SLC25A48: variants seen among roughly 807,000 people sequenced by gnomAD.
The protein encoded by SLC25A48 is solute carrier family 25 member 48.
Under a neutral mutation model 32.2 loss-of-function variants are expected in SLC25A48, and 29 were observed. That is an observed-to-expected ratio of 0.90 (90% confidence interval 0.67 to 1.23). The LOEUF (loss-of-function observed/expected upper bound fraction) is 1.23, where lower values mean the gene tolerates loss of function less well. Ranked by LOEUF, SLC25A48 falls within the 50% of genes most tolerant of loss-of-function variation. The probability of loss-of-function intolerance (pLI) is 0.00; values close to 1 mark genes in which losing one functional copy is unlikely to be tolerated. For missense variants in SLC25A48, 399 were observed against 422.7 expected (o/e 0.94, Z 0.49); for synonymous variants, 164 against 172.3 (o/e 0.95, Z 0.38).
At position 135,852,800 on chromosome 5, in the gene SLC25A48, CAGACACAA is replaced by C; in HGVS notation, c.401_408del (p.Gln134ProfsTer36). On this transcript the variant is annotated frameshift_variant, in exon 4 of 8. Transcript: ENST00000681962. LOFTEE classifies it high-confidence loss of function. ...CCTCATCAAGATCCGGTTGCAGATG[CAGACACAA>C]CCGTTTCGGGACGGTAAGAGGCCAG... is the stretch of plus-strand genomic sequence containing the variant. The C allele has an allele frequency of 6.2e-7, 1 of 1,610,060 alleles. No homozygotes were observed. The highest frequency in any genetic ancestry group is 1.3e-5 in the African/African-American group (1 of 75,000).
chr5:135,795,597 G>A (rs2126637186), intron 3 of SLC25A48, among the ~76,000 whole-genome samples: 1 of 151,918 alleles, frequency 6.6e-6, no homozygotes, highest in African/African-American at 2.4e-5. Context: ...ACATCCAGGG[G>A]GAAAGAGAAT....
intron 3 of SLC25A48, among the ~76,000 whole-genome samples, chr5:135,766,042 C>T (rs960695307): frequency 1.3e-5 from 2 of 151,010 alleles, no homozygotes; most frequent in Non-Finnish European, 3.0e-5. Context: ...GTGTGCACCT[C>T]CCCCAAGGAT....
intron 1 of SLC25A48, among the ~76,000 whole-genome samples, chr5:135,593,344 A>G (rs1751570752): frequency 6.6e-6 from 1 of 152,214 alleles, no homozygotes; most frequent in Admixed American, 6.5e-5. Flanking sequence ...GCTCACCTAC[A>G]GCTGGTTTTC....
At chr5:135,749,884 G>A (rs1755730165) in intron 3 of SLC25A48, among the ~76,000 whole-genome samples, 2 of 152,008 alleles carry the variant, frequency 1.3e-5, no homozygotes, top group Admixed American at 1.3e-4. Flanking sequence ...GAGCCACCTC[G>A]CCGGCCAGGA....
intron 4 of SLC25A48, among the ~76,000 whole-genome samples, chr5:135,821,527 C>G (rs1757886433): frequency 6.6e-6 from 1 of 152,218 alleles, no homozygotes. Flanking sequence ...GTCACTCTCA[C>G]AGTCTCTGGG....
chr5:135,586,708 A>C (rs913012819), intron 1 of SLC25A48, among the ~76,000 whole-genome samples: 1 of 152,200 alleles, frequency 6.6e-6, no homozygotes, highest in Non-Finnish European at 1.5e-5. Context: ...GGGGAAGGTC[A>C]AGGAAACTGT....
intron 1 of SLC25A48, among the ~76,000 whole-genome samples, chr5:135,841,437 AC>A (rs1200493348): frequency 6.6e-6 from 1 of 152,084 alleles, no homozygotes; most frequent in African/African-American, 2.4e-5. Context: ...ATAAACTCCA[AC>A]CCCCTGTTTA....
chr5:135,783,774 C>T (rs1756774904), intron 3 of SLC25A48, among the ~76,000 whole-genome samples: 1 of 118,960 alleles, frequency 8.4e-6, no homozygotes. Flanking sequence ...AATATCGCAG[C>T]TGGTGTACAT....
intron 3 of SLC25A48, among the ~76,000 whole-genome samples, chr5:135,703,016 C>G (rs539471052): frequency 1.4e-4 from 22 of 152,162 alleles, no homozygotes; most frequent in African/African-American, 5.3e-4. Context: ...CTCATCAGCG[C>G]TGGAAAATAA....
At chr5:135,634,949 C>T (rs1561768185) in exon 3 of SLC25A48, 1 of 152,240 alleles carries the variant, frequency 6.6e-6, no homozygotes, top group Non-Finnish European at 1.5e-5. Context: ...ACAAGTGTCA[C>T]CCAGGCAGTG....
intron 3 of SLC25A48, among the ~76,000 whole-genome samples, chr5:135,808,871 G>T (rs1318214689): frequency 3.3e-5 from 5 of 152,130 alleles, no homozygotes; most frequent in Non-Finnish European, 7.3e-5. Flanking sequence ...AAGACCATTT[G>T]AGAGTTAGAT....
Position 135,598,445 on chromosome 5 carries a change from A to G in SLC25A48, c.-849+18848A>G, listed in dbSNP as rs142185592. ...ACTCACCAAGCTTTGTATAGCTTCTACAATGGCATACTGTTAACTGAAGAA... is the reference window on the plus strand; with the variant it reads ...ACTCACCAAGCTTTGTATAGCTTCTGCAATGGCATACTGTTAACTGAAGAA... On this transcript the variant is annotated intron_variant, in intron 1 of 10. Transcript: ENST00000646290. 4.4e-3 allele frequency among the ~76,000 whole-genome samples: 665 copies of G among 152,332 alleles called. 4 individuals carry two copies. The highest frequency in any genetic ancestry group is 0.02 in the Middle Eastern group (6 of 294).
At chr5:135,792,889 A>T (rs2126634614) in intron 3 of SLC25A48, among the ~76,000 whole-genome samples, 1 of 151,894 alleles carries the variant, frequency 6.6e-6, no homozygotes, top group Non-Finnish European at 1.5e-5. Flanking sequence ...CTAATATCAC[A>T]GTGGGTGTAC....
intron 1 of SLC25A48, among the ~76,000 whole-genome samples, chr5:135,612,664 A>G (rs1328058972): frequency 1.3e-5 from 2 of 152,166 alleles, no homozygotes; most frequent in African/African-American, 2.4e-5. Flanking sequence ...TGTCTGCCTT[A>G]TTTCACTTAA....
chr5:135,788,811 G>A (rs1347826956), intron 3 of SLC25A48, among the ~76,000 whole-genome samples: 1 of 151,052 alleles, frequency 6.6e-6, no homozygotes, highest in Non-Finnish European at 1.5e-5. Flanking sequence ...GGTGGTGGGG[G>A]ATGTACACCC....
At chr5:135,781,014 AG>A (rs1197152275) in intron 3 of SLC25A48, among the ~76,000 whole-genome samples, 1 of 116,294 alleles carries the variant, frequency 8.6e-6, no homozygotes, top group Non-Finnish European at 2.1e-5. Flanking sequence ...CCTAATATCC[AG>A]GGGGGAGATG....
At chr5:135,645,854 ACTT>A (rs1752945858) in intron 3 of SLC25A48, among the ~76,000 whole-genome samples, 1 of 152,174 alleles carries the variant, frequency 6.6e-6, no homozygotes, top group Admixed American at 6.5e-5. Context: ...AGAATGTAGA[ACTT>A]CTCCCTTTAT....
chr5:135,676,187 A>G (rs535935800), intron 3 of SLC25A48, among the ~76,000 whole-genome samples: 4 of 151,732 alleles, frequency 2.6e-5, no homozygotes, highest in Non-Finnish European at 4.4e-5. Flanking sequence ...GTTTTCTATT[A>G]ATATTTCTTC....
intron 4 of SLC25A48, among the ~76,000 whole-genome samples, chr5:135,865,088 TC>T (rs1761084723): frequency 6.6e-6 from 1 of 152,242 alleles, no homozygotes; most frequent in African/African-American, 2.4e-5. Flanking sequence ...CTTTTCATGT[TC>T]ATAAAAGCCA....
Sources: allele counts gnomAD v4.1 joint callset (sites outside exome capture counted in the v4.1 genomes callset), GRCh38; gene constraint gnomAD v4.1.1; transcripts MANE v1.5; gene names NCBI Gene and HGNC (gene_info 2026-07-23, HGNC 2026-07-21).